Variants in CNTN4 observed in about 807,000 individuals in gnomAD.
CNTN4 encodes the protein contactin-4.
CNTN4 carries 77 observed loss-of-function variants against 122.5 expected under a neutral mutation model. The ratio of observed to expected loss-of-function variants is 0.63; its 90% CI spans 0.52 to 0.76. The LOEUF (loss-of-function observed/expected upper bound fraction) is 0.76. CNTN4 is among the 30% of genes least tolerant of loss of function. CNTN4 has a pLI of 0.00. For synonymous variants in CNTN4, 512 were observed against 447.0 expected (o/e 1.15, Z -1.83); for missense variants, 1,256 against 1,259.1 (o/e 1.00, Z 0.04).
At chr3:2,910,982 C>G (rs1396717140) in intron 12 of CNTN4, among the ~76,000 whole-genome samples, 1 of 152,200 alleles carries the variant, frequency 6.6e-6, no homozygotes, top group African/African-American at 2.4e-5. Flanking sequence ...CACTCGCTTG[C>G]TGGAGCACCT....
intron 23 of CNTN4, among the ~76,000 whole-genome samples, chr3:3,050,176 A>T (rs2125874445): frequency 6.6e-6 from 1 of 152,302 alleles, no homozygotes; most frequent in Admixed American, 6.5e-5. Context: ...AGTTTTGGAG[A>T]GGACAAGCAT....
At chr3:2,153,731 A>G (rs1445931164) in intron 2 of CNTN4, among the ~76,000 whole-genome samples, 1 of 152,156 alleles carries the variant, frequency 6.6e-6, no homozygotes, top group Non-Finnish European at 1.5e-5. Flanking sequence ...ACTGCTGTAT[A>G]GAGAATGGCG....
At chr3:2,920,720 A>G (rs765718134) in intron 12 of CNTN4, among the ~76,000 whole-genome samples, 13 of 152,200 alleles carry the variant, frequency 8.5e-5, no homozygotes, top group Non-Finnish European at 1.5e-4. Context: ...AATCTGGATC[A>G]AATACTGTGC....
At chr3:2,937,951 A>G (rs993767657) in intron 13 of CNTN4, among the ~76,000 whole-genome samples, 2 of 152,240 alleles carry the variant, frequency 1.3e-5, no homozygotes, top group African/African-American at 4.8e-5. Flanking sequence ...AGGAGTTGCC[A>G]TCTGTAGCAT....
intron 2 of CNTN4, among the ~76,000 whole-genome samples, chr3:2,109,860 A>T (rs1192247499): frequency 6.6e-6 from 1 of 152,208 alleles, no homozygotes; most frequent in Non-Finnish European, 1.5e-5. Context: ...GAGTCCAAGC[A>T]TTATTTTTAG....
Position 2,971,496 on chromosome 3 carries a change from A to G in CNTN4, c.1359-16849A>G, listed in dbSNP as rs575007448. ...CTGGCAAATTGTAATTTATATTCAC[A>G]AAACATTTTTTTCAAACTATGCAAA... On this transcript the variant is annotated intron_variant, in intron 13 of 24. Coordinates refer to ENST00000418658, the MANE Select transcript of CNTN4 (RefSeq NM_175607.3). 7.2e-5 allele frequency among the ~76,000 whole-genome samples: 11 copies of G among 152,300 alleles called. No individual in the cohort carries two copies. The South Asian group carries it at 1.2e-3, about 17-fold the overall frequency.
chr3:2,658,445 A>G (rs1448633060), intron 4 of CNTN4, among the ~76,000 whole-genome samples: 1 of 152,216 alleles, frequency 6.6e-6, no homozygotes, highest in Non-Finnish European at 1.5e-5. Flanking sequence ...CTATGAAGGC[A>G]GGTACCATGG....
At chr3:2,313,082 T>C (rs373410422) in intron 2 of CNTN4, among the ~76,000 whole-genome samples, 1 of 151,920 alleles carries the variant, frequency 6.6e-6, no homozygotes, top group Admixed American at 6.6e-5. Flanking sequence ...ACAATAAAAC[T>C]ATTGGAGTAA....
At chr3:2,933,370 G>A (rs2094541474) in intron 13 of CNTN4, among the ~76,000 whole-genome samples, 1 of 152,092 alleles carries the variant, frequency 6.6e-6, no homozygotes, top group Non-Finnish European at 1.5e-5. Flanking sequence ...AAAGATTTAG[G>A]GGCTCACAAG....
chr3:2,855,889 G>A (rs2093612897), intron 7 of CNTN4, among the ~76,000 whole-genome samples: 2 of 152,200 alleles, frequency 1.3e-5, no homozygotes, highest in African/African-American at 4.8e-5. Flanking sequence ...TTTAACGAAA[G>A]GGGCTCACTC....
intron 3 of CNTN4, among the ~76,000 whole-genome samples, chr3:2,367,344 G>A (rs1296558148): frequency 1.3e-5 from 2 of 152,052 alleles, no homozygotes; most frequent in Non-Finnish European, 2.9e-5. Context: ...TGCTGTATTT[G>A]TAAGATTAAA....
rs555342780 is a variant in CNTN4 at position 2,288,301 on chromosome 3, A to G, written c.-144-50877A>G. On this transcript the variant is annotated intron_variant, in intron 2 of 24. Transcript: ENST00000418658. ...TGAGGGCCTCAGGCTGCTTCCACTC[A>G]TTGTGGAAGGTGAAGGGGAGCCAGT... Among the ~76,000 whole-genome samples, 16 of 152,200 alleles carry G rather than the reference A, an allele frequency of 1.1e-4. No individual in the cohort carries two copies. The South Asian group carries it at 3.3e-3, about 32-fold the overall frequency.
chr3:2,374,131 G>C (rs2045732915), intron 3 of CNTN4, among the ~76,000 whole-genome samples: 1 of 152,160 alleles, frequency 6.6e-6, no homozygotes, highest in Non-Finnish European at 1.5e-5. Context: ...ATCTAACTCA[G>C]TAAAGGAAAT....
At chr3:2,379,544 G>T (rs939649902) in intron 3 of CNTN4, among the ~76,000 whole-genome samples, 1 of 152,126 alleles carries the variant, frequency 6.6e-6, no homozygotes, top group African/African-American at 2.4e-5. Context: ...TAACTGCTAT[G>T]TTAGTATAAA....
intron 24 of CNTN4, among the ~76,000 whole-genome samples, chr3:3,054,234 C>A (rs1003560717): frequency 6.6e-6 from 1 of 152,140 alleles, no homozygotes; most frequent in Non-Finnish European, 1.5e-5. Context: ...AAGGTTTTTC[C>A]GTGTCAACCT....
chr3:2,592,185 T>C (rs1264153153), intron 4 of CNTN4, among the ~76,000 whole-genome samples: 1 of 152,198 alleles, frequency 6.6e-6, no homozygotes, highest in African/African-American at 2.4e-5. Context: ...CCGGCCTTCA[T>C]TAAAGGTTTT....
chr3:2,247,499 A>C (rs765239261), intron 2 of CNTN4, among the ~76,000 whole-genome samples: 9 of 151,932 alleles, frequency 5.9e-5, no homozygotes, highest in Non-Finnish European at 1.0e-4. Flanking sequence ...ATAGTTTTGA[A>C]ATCAGTTTTA....
At chr3:2,141,153 G>T (rs2034974833) in intron 2 of CNTN4, among the ~76,000 whole-genome samples, 1 of 152,196 alleles carries the variant, frequency 6.6e-6, no homozygotes, top group Non-Finnish European at 1.5e-5. Flanking sequence ...GTGATAGGCA[G>T]AATGCTGGCC....
chr3:3,032,230 G>A (rs1203916797), intron 16 of CNTN4, among the ~76,000 whole-genome samples: 1 of 152,196 alleles, frequency 6.6e-6, no homozygotes, highest in Non-Finnish European at 1.5e-5. Context: ...AAATACACCA[G>A]GCTGGTCTGC....
Sources: gnomAD v4.1 joint callset for allele counts (sites outside exome capture counted in the v4.1 genomes callset) on GRCh38, gnomAD v4.1.1 for gene constraint, MANE v1.5 for transcripts, NCBI Gene and HGNC (gene_info 2026-07-23, HGNC 2026-07-21) for gene names.